FBXW7: variants seen among roughly 807,000 people sequenced by gnomAD.
FBXW7 encodes the protein F-box/WD repeat-containing protein 7.
A neutral mutation model predicts 86.3 loss-of-function variants in FBXW7; 11 were observed. That is an observed-to-expected ratio of 0.13 (90% confidence interval 0.08 to 0.21). The LOEUF is 0.21. Ranked by LOEUF, FBXW7 falls within the 10% of genes least tolerant of loss-of-function variation. The pLI is 1.00. For missense variants in FBXW7, 488 were observed against 847.4 expected, an observed-to-expected ratio of 0.58 and a Z score of 5.27; for synonymous variants, 313 against 297.9, an observed-to-expected ratio of 1.05 and a Z score of -0.52.
At position 152,535,041 on chromosome 4, in the gene FBXW7, A is replaced by T. The variant is rs1021120499; in HGVS notation, c.-212-8T>A. ...GAAGGCTCCGGCGCGGTACTGAGGAAGAAGCGGTGCTCGTGTCGCTAAACC... is the reference window on the plus strand; with the variant it reads ...GAAGGCTCCGGCGCGGTACTGAGGATGAAGCGGTGCTCGTGTCGCTAAACC... On this transcript the variant is annotated splice_region_variant and splice_polypyrimidine_tract_variant and intron_variant, in intron 1 of 13. Coordinates refer to ENST00000281708, the MANE Select transcript of FBXW7 (RefSeq NM_001349798.2). The T allele has an allele frequency of 6.6e-6, 1 of 152,262 alleles. No individual in the cohort carries two copies. Among genetic ancestry groups the T allele is most frequent in the South Asian group, 2.1e-4 (1 of 4,832 alleles). 9.4% of individuals were successfully genotyped at this position (152,262 alleles called of 1,614,324 possible).
At chr4:152,373,622 C>G (rs1490151448) in intron 4 of FBXW7, among the ~76,000 whole-genome samples, 1 of 152,012 alleles carries the variant, frequency 6.6e-6, no homozygotes, top group Non-Finnish European at 1.5e-5. Context: ...TATCACTCCT[C>G]TGATCACCTA....
intron 4 of FBXW7, among the ~76,000 whole-genome samples, chr4:152,406,055 T>A (rs1186960347): frequency 1.3e-5 from 2 of 152,228 alleles, no homozygotes; most frequent in African/African-American, 4.8e-5. Flanking sequence ...ATGTCCTTTT[T>A]CTTCATACTG....
chr4:152,412,382 G>A (rs192594353), intron 3 of FBXW7, 98 bp downstream of exon 3: 1 of 151,860 alleles, frequency 6.6e-6, no homozygotes, highest in East Asian at 1.9e-4. Context: ...TTTCTAGCAG[G>A]TAACAATTAT....
intron 4 of FBXW7, among the ~76,000 whole-genome samples, chr4:152,365,921 A>T (rs546166802): frequency 1.3e-5 from 2 of 152,226 alleles, no homozygotes; most frequent in East Asian, 3.9e-4. Context: ...TTCTGTTTTG[A>T]TTCTTGTTGT....
At chr4:152,441,999 T>C (rs1740936993) in intron 2 of FBXW7, among the ~76,000 whole-genome samples, 1 of 152,192 alleles carries the variant, frequency 6.6e-6, no homozygotes, top group South Asian at 2.1e-4. Context: ...CAGAAAAAAG[T>C]AACCTCAATC....
intron 4 of FBXW7, chr4:152,352,633 C>A (rs1560793831): frequency 6.2e-7 from 1 of 1,613,762 alleles, no homozygotes; most frequent in South Asian, 1.1e-5. Context: ...CATGCTCAGG[C>A]ACGTCAGAAA....
intron 4 of FBXW7, among the ~76,000 whole-genome samples, chr4:152,381,352 C>T (rs1315369275): frequency 6.6e-6 from 1 of 151,936 alleles, no homozygotes; most frequent in African/African-American, 2.4e-5. Flanking sequence ...TTAAGAAACG[C>T]ACAAAAAGAT....
At chr4:152,435,596 T>C (rs1032380244) in intron 2 of FBXW7, among the ~76,000 whole-genome samples, 2 of 152,210 alleles carry the variant, frequency 1.3e-5, no homozygotes, top group African/African-American at 4.8e-5. Flanking sequence ...CTACATTAGC[T>C]TGATTAGCAA....
At chr4:152,532,768 C>T (rs954832120) in intron 2 of FBXW7, among the ~76,000 whole-genome samples, 1 of 152,120 alleles carries the variant, frequency 6.6e-6, no homozygotes, top group South Asian at 2.1e-4. Context: ...TGGTCTATCC[C>T]CCCTCTCCTA....
chr4:152,432,853 T>C (rs1252580060), intron 2 of FBXW7, among the ~76,000 whole-genome samples: 1 of 152,138 alleles, frequency 6.6e-6, no homozygotes, highest in Admixed American at 6.6e-5. Flanking sequence ...CTCCATAAAG[T>C]TCCCTCTTTT....
chr4:152,473,075 T>C (rs1219501606), intron 2 of FBXW7, among the ~76,000 whole-genome samples: 1 of 152,140 alleles, frequency 6.6e-6, no homozygotes, highest in South Asian at 2.1e-4. Context: ...CCCGTCTCTA[T>C]GAAAAATACA....
chr4:152,457,371 A>G (rs74340728), intron 2 of FBXW7, among the ~76,000 whole-genome samples: 2,084 of 152,298 alleles, frequency 0.014, 26 homozygotes, highest in Middle Eastern at 0.037. Flanking sequence ...GGCCGGGTGC[A>G]GTGGCTCACG....
chr4:152,402,386 C>A (rs1006618939), intron 4 of FBXW7, among the ~76,000 whole-genome samples: 1 of 152,052 alleles, frequency 6.6e-6, no homozygotes, highest in South Asian at 2.1e-4. Flanking sequence ...AAACTTAATA[C>A]GATGAGTCAC....
At chr4:152,411,270 T>C (rs1737929625) in intron 4 of FBXW7, 33 bp downstream of exon 4, 12 of 1,518,702 alleles carry the variant, frequency 7.9e-6, no homozygotes, top group Non-Finnish European at 9.7e-6. Flanking sequence ...TATGTAAAGT[T>C]TCTCAGGTTA....
chr4:152,403,149 T>C (rs1021213514), intron 4 of FBXW7, among the ~76,000 whole-genome samples: 4 of 152,170 alleles, frequency 2.6e-5, no homozygotes, highest in Non-Finnish European at 5.9e-5. Context: ...GGGAAAGCAC[T>C]GATGATTTCC....
chr4:152,527,344 C>A (rs929991560), intron 2 of FBXW7, among the ~76,000 whole-genome samples: 2 of 152,188 alleles, frequency 1.3e-5, no homozygotes, highest in Non-Finnish European at 2.9e-5. Flanking sequence ...TGTTTTCAAC[C>A]ATTTGGTAAT....
intron 2 of FBXW7, among the ~76,000 whole-genome samples, chr4:152,421,568 G>C (rs1738942043): frequency 6.6e-6 from 1 of 152,184 alleles, no homozygotes; most frequent in South Asian, 2.1e-4. Flanking sequence ...AAAAAAGAAA[G>C]GAACTTTTCC....
At chr4:152,516,262 A>C (rs1363001194) in intron 2 of FBXW7, among the ~76,000 whole-genome samples, 1 of 152,236 alleles carries the variant, frequency 6.6e-6, no homozygotes, top group Non-Finnish European at 1.5e-5. Flanking sequence ...ACCCGGCCGC[A>C]CAGCAGGAGG....
chr4:152,326,778 G>A (rs1729065707), intron 11 of FBXW7, among the ~76,000 whole-genome samples: 1 of 151,964 alleles, frequency 6.6e-6, no homozygotes, highest in African/African-American at 2.4e-5. Context: ...GTCAGAATTT[G>A]GAATTTAAAC....
Sources: gnomAD v4.1 joint callset for allele counts (sites outside exome capture counted in the v4.1 genomes callset) on GRCh38, gnomAD v4.1.1 for gene constraint, MANE v1.5 for transcripts, NCBI Gene and HGNC (gene_info 2026-07-23, HGNC 2026-07-21) for gene names.